The following SCLT1 variants were observed in gnomAD, a reference collection of about 807,000 sequenced individuals.
The protein encoded by SCLT1 is sodium channel-associated protein 1.
Under a neutral mutation model 112.8 loss-of-function variants are expected in SCLT1, and 78 were observed. The ratio of observed to expected loss-of-function variants is 0.69; its 90% CI spans 0.58 to 0.83. The LOEUF is 0.83. Among genes scored for constraint, SCLT1 ranks in the 40% least tolerant of loss-of-function variants. The pLI is 0.00. For synonymous variants in SCLT1, 257 were observed against 254.7 expected (o/e 1.01, Z -0.09); for missense variants, 747 against 770.4 (o/e 0.97, Z 0.36).
At chr4:128,997,008 C>G (rs1363593516) in intron 8 of SCLT1, among the ~76,000 whole-genome samples, 1 of 151,908 alleles carries the variant, frequency 6.6e-6, no homozygotes, top group Non-Finnish European at 1.5e-5. Context: ...AAATGCCTTT[C>G]TTAATTATAG....
intron 18 of SCLT1, among the ~76,000 whole-genome samples, chr4:128,919,445 G>A (rs1735713919): frequency 6.6e-6 from 1 of 152,016 alleles, no homozygotes; most frequent in Non-Finnish European, 1.5e-5. Context: ...AGTTTATAGT[G>A]CTAAACGCCC....
chr4:128,937,214 G>A (rs1737273129), intron 17 of SCLT1, among the ~76,000 whole-genome samples: 1 of 151,640 alleles, frequency 6.6e-6, no homozygotes, highest in African/African-American at 2.4e-5. Context: ...GGAGGTGGGG[G>A]TTGCAGTGAG....
intron 14 of SCLT1, among the ~76,000 whole-genome samples, chr4:128,951,740 T>G (rs559985865): frequency 6.6e-6 from 1 of 152,236 alleles, no homozygotes; most frequent in South Asian, 2.1e-4. Context: ...AACAAAAAAT[T>G]ACATGTCACT....
chr4:128,892,556 G>C (rs1175551835), intron 18 of SCLT1, among the ~76,000 whole-genome samples: 2 of 151,900 alleles, frequency 1.3e-5, no homozygotes, highest in Middle Eastern at 3.2e-3. Flanking sequence ...CTAAAAACTT[G>C]GTAAGCCTCT....
chr4:128,878,257 T>C (rs1020108075), intron 3 of SCLT1, among the ~76,000 whole-genome samples: 2 of 152,236 alleles, frequency 1.3e-5, no homozygotes, highest in Admixed American at 6.5e-5. Context: ...ATCGCCAATG[T>C]GTCCTGATAT....
At chr4:128,985,045 A>G (rs1351503197) in intron 9 of SCLT1, among the ~76,000 whole-genome samples, 2 of 152,134 alleles carry the variant, frequency 1.3e-5, no homozygotes, top group Non-Finnish European at 2.9e-5. Context: ...ACATGTAAAT[A>G]TGTGTTTCTA....
chr4:128,981,664 T>C (rs1201788936), intron 9 of SCLT1, among the ~76,000 whole-genome samples: 2 of 151,500 alleles, frequency 1.3e-5, no homozygotes, highest in Non-Finnish European at 2.9e-5. Context: ...ACCCGCCAAA[T>C]TATCCTTAAA....
intron 18 of SCLT1, among the ~76,000 whole-genome samples, chr4:128,927,191 A>T (rs1736365160): frequency 6.6e-6 from 1 of 152,158 alleles, no homozygotes; most frequent in South Asian, 2.1e-4. Context: ...TAAGAAAAAA[A>T]TAACTAAAAT....
chr4:128,899,469 C>G (rs1307334740), intron 18 of SCLT1, among the ~76,000 whole-genome samples: 1 of 152,148 alleles, frequency 6.6e-6, no homozygotes, highest in African/African-American at 2.4e-5. Flanking sequence ...TGACAAAATT[C>G]AACAACCATT....
At chr4:128,900,645 T>A (rs187811129) in intron 18 of SCLT1, among the ~76,000 whole-genome samples, 3,824 of 152,064 alleles carry the variant, frequency 0.025, 90 homozygotes, top group Non-Finnish European at 0.041. Flanking sequence ...AAACACCAAA[T>A]GCAATGGCAA....
At chr4:128,926,366 T>G (rs148288261) in intron 18 of SCLT1, among the ~76,000 whole-genome samples, 5 of 152,302 alleles carry the variant, frequency 3.3e-5, no homozygotes, top group Admixed American at 6.5e-5. Context: ...CTCTTATTAC[T>G]GCATAAACTC....
chr4:128,996,816 A>C (rs1349424572), intron 8 of SCLT1, among the ~76,000 whole-genome samples: 1 of 152,032 alleles, frequency 6.6e-6, no homozygotes, highest in African/African-American at 2.4e-5. Context: ...ATTCCCTTGG[A>C]ATATACAACA....
At position 128,955,870 on chromosome 4, in the gene SCLT1, C is replaced by T. The variant is rs189602105; in HGVS notation, c.1146+1156G>A. On this transcript the variant is annotated intron_variant, in intron 13 of 20. Transcript: ENST00000281142. Reference sequence around the variant, plus strand: ...GTGTGGAACTCAGAGGGGGCAAAGACGCAGCAAAATGCTTGGCACACAGGA... The same window carrying T: ...GTGTGGAACTCAGAGGGGGCAAAGATGCAGCAAAATGCTTGGCACACAGGA... Among the ~76,000 whole-genome samples, 131 of 152,124 alleles carry T rather than the reference C, an allele frequency of 8.6e-4. 1 individual carries two copies. The Middle Eastern group carries it at 0.031, about 36-fold the overall frequency.
intron 14 of SCLT1, among the ~76,000 whole-genome samples, chr4:128,949,253 T>A (rs1738480404): frequency 6.9e-6 from 1 of 144,910 alleles, no homozygotes. Flanking sequence ...CAGGTGCACA[T>A]GTGTATGTTA....
At chr4:129,009,070 G>A (rs1744283661) in intron 5 of SCLT1, among the ~76,000 whole-genome samples, 1 of 152,098 alleles carries the variant, frequency 6.6e-6, no homozygotes, top group Non-Finnish European at 1.5e-5. Flanking sequence ...ACTGTTGATG[G>A]GCATCTAGGT....
intron 2 of SCLT1, among the ~76,000 whole-genome samples, chr4:129,075,079 G>A (rs1751344939): frequency 6.6e-6 from 1 of 152,018 alleles, no homozygotes. Context: ...CAATAATATT[G>A]TATTGTGGTT....
At chr4:129,088,285 C>A (rs1399419276) in intron 1 of SCLT1, among the ~76,000 whole-genome samples, 2 of 152,126 alleles carry the variant, frequency 1.3e-5, no homozygotes, top group Non-Finnish European at 2.9e-5. Flanking sequence ...ATCTTTTAAT[C>A]TCAATGGATG....
chr4:128,945,849 A>G (rs527273458), intron 16 of SCLT1, among the ~76,000 whole-genome samples, 158 bp downstream of exon 16: 1 of 152,312 alleles, frequency 6.6e-6, no homozygotes, highest in African/African-American at 2.4e-5. Context: ...ATTCGCTTTC[A>G]GAAATAATCT....
chr4:129,067,431 T>C (rs1750590420), intron 2 of SCLT1, among the ~76,000 whole-genome samples: 1 of 151,786 alleles, frequency 6.6e-6, no homozygotes, highest in East Asian at 1.9e-4. Flanking sequence ...AAATAATAAA[T>C]GCATCTAGTA....
Sources: allele counts gnomAD v4.1 joint callset (sites outside exome capture counted in the v4.1 genomes callset), GRCh38; gene constraint gnomAD v4.1.1; transcripts MANE v1.5; gene names NCBI Gene and HGNC (gene_info 2026-07-23, HGNC 2026-07-21).